Variants in COL23A1 observed in about 807,000 individuals in gnomAD.
COL23A1 encodes the protein collagen type XXIII alpha 1 chain, also known as collagen alpha-1(XXIII) chain.
COL23A1 carries 97 observed loss-of-function variants against 99.3 expected under a neutral mutation model. The ratio of observed to expected loss-of-function variants is 0.98; its 90% CI spans 0.83 to 1.16. The LOEUF (loss-of-function observed/expected upper bound fraction) is 1.16, where lower values mean the gene tolerates loss of function less well. Ranked by LOEUF, COL23A1 falls within the 50% of genes most tolerant of loss-of-function variation. The probability of loss-of-function intolerance (pLI) is 0.00; values close to 1 mark genes in which losing one functional copy is unlikely to be tolerated. For missense variants in COL23A1, 762 were observed against 757.4 expected (o/e 1.01, Z -0.07); for synonymous variants, 320 against 308.2 (o/e 1.04, Z -0.40).
chr5:178,505,575 C>T (rs2127989959), intron 2 of COL23A1, among the ~76,000 whole-genome samples: 1 of 152,170 alleles, frequency 6.6e-6, no homozygotes, highest in East Asian at 1.9e-4. Flanking sequence ...TTCATGAGGC[C>T]ACGGTTATAT....
At chr5:178,254,032 C>T (rs1408768170) in intron 16 of COL23A1, among the ~76,000 whole-genome samples, 11 of 152,034 alleles carry the variant, frequency 7.2e-5, no homozygotes, top group African/African-American at 2.2e-4. Context: ...GGTGTGGTGG[C>T]GCATGCCTGT....
chr5:178,351,996 A>T (rs1478114332), intron 2 of COL23A1: 1 of 152,228 alleles, frequency 6.6e-6, no homozygotes, highest in Non-Finnish European at 1.5e-5. Flanking sequence ...TTGGTCTTGG[A>T]TGTCCAGCCT....
intron 2 of COL23A1, among the ~76,000 whole-genome samples, chr5:178,441,225 G>A (rs1220906988): frequency 6.6e-6 from 1 of 152,168 alleles, no homozygotes; most frequent in Admixed American, 6.5e-5. Flanking sequence ...TTAAAAAGCT[G>A]TTTGTTGGCT....
At chr5:178,449,919 G>A (rs1193815206) in intron 2 of COL23A1, among the ~76,000 whole-genome samples, 1 of 152,162 alleles carries the variant, frequency 6.6e-6, no homozygotes, top group South Asian at 2.1e-4. Flanking sequence ...TCTGCTGACC[G>A]TATACCCGGC....
chr5:178,303,645 C>T (rs112939939), intron 3 of COL23A1, among the ~76,000 whole-genome samples: 4 of 152,338 alleles, frequency 2.6e-5, no homozygotes, highest in Admixed American at 2.6e-4. Context: ...GAAGTGCCTC[C>T]GTTTGTCTCT....
At chr5:178,403,176 A>T (rs534322757) in intron 2 of COL23A1, among the ~76,000 whole-genome samples, 2 of 151,936 alleles carry the variant, frequency 1.3e-5, no homozygotes, top group African/African-American at 2.4e-5. Context: ...AGTCAGACAC[A>T]TATCAAACTG....
intron 2 of COL23A1, among the ~76,000 whole-genome samples, chr5:178,485,574 A>C (rs1480445357): frequency 6.6e-6 from 1 of 152,106 alleles, no homozygotes; most frequent in Non-Finnish European, 1.5e-5. Context: ...GGAGTTCGAG[A>C]CCAGCCTGGC....
intron 2 of COL23A1, among the ~76,000 whole-genome samples, chr5:178,459,964 T>C (rs2647693): frequency 0.32 from 48,276 of 152,072 alleles, 7,984 homozygotes; most frequent in Middle Eastern, 0.4. Flanking sequence ...TAATAACAAC[T>C]GTTATCTCTT....
rs994516400 is a variant in COL23A1, at chr5:178,551,054, A to G, written c.361+9628T>C. ...CTGAGGGTCTTCCATTTTTGGAGAG[A>G]AACACCAGAGCAGGTGGTTAACTTT... is the stretch of plus-strand genomic sequence containing the variant. On this transcript the variant is annotated intron_variant, in intron 2 of 28. Transcript: ENST00000390654. Among the ~76,000 whole-genome samples, 7 of 87,092 alleles carry G rather than the reference A, an allele frequency of 8.0e-5. No individual in the cohort carries two copies. The South Asian group carries it at 1.8e-3, about 22-fold the overall frequency. The allele number at this position is 87,092 out of a possible 152,430, so 57.1% of individuals were successfully genotyped here.
At chr5:178,342,797 A>C (rs1760742779) in intron 2 of COL23A1, among the ~76,000 whole-genome samples, 1 of 92,286 alleles carries the variant, frequency 1.1e-5, no homozygotes, top group African/African-American at 3.2e-5. Flanking sequence ...GAAAAAAAAA[A>C]CAAACAAACA....
chr5:178,528,422 C>T (rs538402626), intron 2 of COL23A1, among the ~76,000 whole-genome samples: 71 of 152,310 alleles, frequency 4.7e-4, no homozygotes, highest in African/African-American at 1.6e-3. Flanking sequence ...GACCCCACTC[C>T]CCACTCGCTT....
At chr5:178,401,982 A>G (rs1387728307) in intron 2 of COL23A1, among the ~76,000 whole-genome samples, 1 of 151,992 alleles carries the variant, frequency 6.6e-6, no homozygotes, top group Non-Finnish European at 1.5e-5. Context: ...CGCTCGGCTA[A>G]TTTTTGTATT....
At chr5:178,403,468 G>A (rs1472994865) in intron 2 of COL23A1, among the ~76,000 whole-genome samples, 2 of 152,190 alleles carry the variant, frequency 1.3e-5, no homozygotes, top group African/African-American at 4.8e-5. Context: ...CTTGAAGGTG[G>A]GATTGTTCTT....
intron 1 of COL23A1, among the ~76,000 whole-genome samples, chr5:178,578,502 G>A (rs565188317): frequency 6.6e-6 from 1 of 152,318 alleles, no homozygotes; most frequent in East Asian, 1.9e-4. Context: ...CATTTTTTGT[G>A]TGATGTTCCT....
intron 2 of COL23A1, among the ~76,000 whole-genome samples, chr5:178,311,507 CGCGTGTGTGTGTGT>C (rs1758673582): frequency 3.8e-5 from 1 of 26,062 alleles, no homozygotes; most frequent in African/African-American, 7.6e-5. Flanking sequence ...TGTGTGTGTG[CGCGTGTGTGTGTGT>C]GTGTGTGTGT....
At chr5:178,253,931 AGGT>A (rs1765169268) in intron 16 of COL23A1, among the ~76,000 whole-genome samples, 2 of 151,352 alleles carry the variant, frequency 1.3e-5, no homozygotes, top group African/African-American at 4.8e-5. Context: ...TGGGAGGCTG[AGGT>A]GGCAGGATCA....
Position 178,340,868 on chromosome 5 carries a change from G to A in COL23A1, c.362-33949C>T, listed in dbSNP as rs181153614. Among the ~76,000 whole-genome samples the A allele has an allele frequency of 1.3e-3, 192 of 152,380 alleles. 1 individual carries two copies. Among genetic ancestry groups the A allele is most frequent in the Non-Finnish European group, 1.1e-3 (75 of 68,034 alleles). On this transcript the variant is annotated intron_variant, in intron 2 of 28. Coordinates refer to ENST00000390654, the MANE Select transcript of COL23A1 (RefSeq NM_173465.4). This position sits in a 1 kb window ranked among gnomAD's most constrained non-coding sequence, Gnocchi z 4.7. ...CAAGCATGAAGCGTGAGGCCAGGCA[G>A]CATGGCTGATGTGCATGGGCGCGGG...
At chr5:178,479,987 G>GC (rs2127950404) in intron 2 of COL23A1, among the ~76,000 whole-genome samples, 1 of 152,192 alleles carries the variant, frequency 6.6e-6, no homozygotes, top group Admixed American at 6.5e-5. Flanking sequence ...ACTGTGCTGA[G>GC]TACCATAGGC....
intron 2 of COL23A1, among the ~76,000 whole-genome samples, chr5:178,536,445 C>T (rs1408186649): frequency 6.6e-6 from 1 of 152,250 alleles, no homozygotes. Context: ...GTCAGGGTCC[C>T]AGGTGTGGCT....
Sources: allele counts gnomAD v4.1 joint callset (sites outside exome capture counted in the v4.1 genomes callset), GRCh38; gene constraint gnomAD v4.1.1; non-coding constraint Gnocchi (gnomAD v3.1); transcripts MANE v1.5; gene names NCBI Gene and HGNC (gene_info 2026-07-23, HGNC 2026-07-21).